Variants in MTOR observed in about 807,000 individuals in gnomAD.
MTOR encodes mechanistic target of rapamycin kinase.
In MTOR, 70 loss-of-function variants were observed where a neutral mutation model predicts 319.8. The observed-to-expected ratio is 0.22, with a 90% CI of 0.18 to 0.27. The LOEUF is 0.27. MTOR is among the 10% of genes least tolerant of loss of function. MTOR has a pLI of 1.00. For synonymous variants in MTOR, 1,183 were observed against 1,211.4 expected (o/e 0.98, Z 0.49); for missense variants, 1,890 against 3,274.4 (o/e 0.58, Z 10.32).
chr1:11,258,442 A>T (rs1216480115), intron 3 of MTOR, 43 bp downstream of exon 3: 2 of 1,380,412 alleles, frequency 1.4e-6, no homozygotes, highest in Admixed American at 3.5e-5. Flanking sequence ...AGTGGGCACA[A>T]AGGTGAGTGT....
chr1:11,124,115 T>C (rs1642689976), intron 47 of MTOR, among the ~76,000 whole-genome samples: 1 of 152,094 alleles, frequency 6.6e-6, no homozygotes, highest in Non-Finnish European at 1.5e-5. Context: ...AAATAAATAG[T>C]GATGGGGTCT....
chr1:11,234,290 T>C (rs1301420932), intron 13 of MTOR, 25 bp from the exon 14 acceptor site: 3 of 1,594,630 alleles, frequency 1.9e-6, no homozygotes, highest in Non-Finnish European at 2.6e-6. Flanking sequence ...GGCTCATATG[T>C]TCTCTATGGC....
At chr1:11,185,245 G>C (rs1023507968) in intron 28 of MTOR, among the ~76,000 whole-genome samples, 1 of 148,982 alleles carries the variant, frequency 6.7e-6, no homozygotes, top group Non-Finnish European at 1.5e-5. Context: ...AGAAATCAGA[G>C]AGACTTTTTT....
intron 49 of MTOR, among the ~76,000 whole-genome samples, chr1:11,117,645 T>C (rs1322695297): frequency 6.6e-6 from 1 of 152,012 alleles, no homozygotes; most frequent in Non-Finnish European, 1.5e-5. Context: ...AGTATAAAGA[T>C]GTTAACAGCC....
intron 56 of MTOR, 33 bp from the exon 57 acceptor site, chr1:11,108,319 C>G (rs907341085): frequency 1.3e-6 from 2 of 1,540,312 alleles, no homozygotes; most frequent in African/African-American, 1.4e-5. Context: ...ATTTCACTCT[C>G]TTCCTGGCAA....
intron 51 of MTOR, 97 bp from the exon 52 acceptor site, chr1:11,114,984 ATT>A: frequency 1.0e-6 from 1 of 981,174 alleles, no homozygotes; most frequent in Non-Finnish European, 1.6e-6. Flanking sequence ...ACCTGCACTG[ATT>A]TTAATTATAG....
chr1:11,212,557 G>A lies in MTOR; in HGVS notation c.3399-83C>T, dbSNP rs2100793841. The A allele has an allele frequency of 6.7e-7, 1 of 1,490,490 alleles. No individual in the cohort carries two copies. The highest frequency in any genetic ancestry group is 2.0e-5 in the Admixed American group (1 of 49,618). 92.3% of individuals were successfully genotyped at this position (1,490,490 alleles called of 1,614,324 possible). A position where few individuals can be genotyped will look rare whatever the true frequency, so the allele number is the denominator to read the frequency against. ...TGACTGAGGGTGAGCTTAACAATCA[G>A]CACCAAAGGGATGGGAATGAACGGC... On this transcript the variant is annotated intron_variant, in intron 22 of 57. Transcript: ENST00000361445. The surrounding 1 kb of genome is among the most constrained non-coding windows in gnomAD (Gnocchi z 4.1).
chr1:11,243,830 T>C (rs1648426887), intron 8 of MTOR, among the ~76,000 whole-genome samples: 1 of 151,970 alleles, frequency 6.6e-6, no homozygotes. Flanking sequence ...AAACAGAAGA[T>C]CATCTAAACA....
intron 19 of MTOR, among the ~76,000 whole-genome samples, chr1:11,224,603 GT>G (rs1646771439): frequency 6.6e-6 from 1 of 152,050 alleles, no homozygotes; most frequent in South Asian, 2.1e-4. Flanking sequence ...TGTCCATAAC[GT>G]TAGCAAATAC....
intron 28 of MTOR, among the ~76,000 whole-genome samples, chr1:11,180,704 C>T (rs1187426072): frequency 3.9e-5 from 6 of 152,066 alleles, no homozygotes; most frequent in South Asian, 2.1e-4. Flanking sequence ...CATTTGATTT[C>T]CCTTTGGGGA....
At chr1:11,189,187 G>A (rs953951771) in intron 28 of MTOR, among the ~76,000 whole-genome samples, 5 of 152,004 alleles carry the variant, frequency 3.3e-5, no homozygotes, top group African/African-American at 9.7e-5. Context: ...AGAAAGACTC[G>A]CCCCATCTCC....
chr1:11,157,325 A>G (rs374757531), intron 29 of MTOR, 34 bp from the exon 30 acceptor site: 1 of 1,604,338 alleles, frequency 6.2e-7, no homozygotes, highest in South Asian at 1.1e-5. Flanking sequence ...GCTGTGAGGT[A>G]CACAGAAGAA....
At chr1:11,194,581 T>C (rs971950036) in intron 28 of MTOR, 6 of 1,614,036 alleles carry the variant, frequency 3.7e-6, no homozygotes, top group Non-Finnish European at 5.1e-6. Context: ...CGCCCTCCAG[T>C]ATCATAACAA....
In MTOR at chr1:11,139,419, G is replaced by A. The variant is rs1218010586; in HGVS notation, c.5015C>T (p.Thr1672Ile). The change falls in exon 36 of 58, where the codon ACT becomes ATT. Residue 1672 changes from threonine (T) to isoleucine (I), a missense_variant. By Grantham distance (89) the Thr-to-Ile change is moderately conservative. This residue lies in a region of MTOR where 276 missense variants were observed against 459.4 expected (regional missense o/e 0.60). Coordinates refer to ENST00000361445, the MANE Select transcript of MTOR (RefSeq NM_004958.4). ...KSGRLALAHK[T>I]LVLLLGVDPS... Reference sequence around the variant, plus strand: ...ATCAACTCCCAGGAGCAACACTAAAGTTTTATGAGCAAGAGCCTTAAAAAT... The same window carrying A: ...ATCAACTCCCAGGAGCAACACTAAAATTTTATGAGCAAGAGCCTTAAAAAT... 5 of 1,614,074 alleles carry A rather than the reference G, an allele frequency of 3.1e-6. No homozygotes were observed. Among genetic ancestry groups the A allele is most frequent in the Non-Finnish European group, 4.2e-6 (5 of 1,179,992 alleles).
chr1:11,199,438 T>C lies in MTOR; in HGVS notation c.4108-35A>G. The stretch of plus-strand genomic sequence containing the variant: ...AGCAAAACCTCACAGCACAGGAAAA[T>C]GGCAGATGGGGCACAAACAAGAGAA... On this transcript the variant is annotated intron_variant, in intron 27 of 57. Coordinates refer to ENST00000361445, the MANE Select transcript of MTOR (RefSeq NM_004958.4). This position sits in a 1 kb window ranked among gnomAD's most constrained non-coding sequence, Gnocchi z 4.5. 1 of 1,613,964 alleles carries C rather than the reference T, an allele frequency of 6.2e-7. No homozygotes were observed. The highest frequency in any genetic ancestry group is 1.1e-5 in the South Asian group (1 of 91,070).
At chr1:11,153,750 G>C (rs1329913550) in intron 30 of MTOR, among the ~76,000 whole-genome samples, 5 of 151,972 alleles carry the variant, frequency 3.3e-5, no homozygotes, top group African/African-American at 1.2e-4. Context: ...CTGAGGAACT[G>C]AATTTCACAT....
At chr1:11,194,582 A>T in intron 28 of MTOR, 1 of 1,614,218 alleles carries the variant, frequency 6.2e-7, no homozygotes, top group South Asian at 1.1e-5. Context: ...GCCCTCCAGT[A>T]TCATAACAAC....
In MTOR at chr1:11,259,297, G is replaced by A. The variant is rs1341084454; in HGVS notation, c.113C>T (p.Ala38Val). ...GTGCTGGAGCTCCTTGGCGGCTTTGGCCCTGGTTTCCTCATTCCGGCTCTT... is the reference window on the plus strand; with the variant it reads ...GTGCTGGAGCTCCTTGGCGGCTTTGACCCTGGTTTCCTCATTCCGGCTCTT... ...GLKSRNEETR[A>V]KAAKELQHYV... The change falls in exon 2 of 58, where the codon GCC becomes GTC. Residue 38 changes from alanine (A) to valine (V), a missense_variant. Ala to Val is a moderately conservative substitution (Grantham distance 64, BLOSUM62 0). Around this residue, in one of 15 missense-constraint regions of MTOR, gnomAD observed 85 missense variants for 105.8 expected, o/e 0.80. Transcript: ENST00000361445. 6.2e-7 allele frequency: 1 copy of A among 1,613,954 alleles called. No homozygotes were observed. The highest frequency in any genetic ancestry group is 8.5e-7 in the Non-Finnish European group (1 of 1,179,940).
At chr1:11,151,705 T>C (rs1220607230) in intron 30 of MTOR, among the ~76,000 whole-genome samples, 4 of 152,252 alleles carry the variant, frequency 2.6e-5, no homozygotes, top group Non-Finnish European at 5.9e-5. Context: ...CTGCACAGCA[T>C]ATTTTTGTAG....
Sources: allele counts gnomAD v4.1 joint callset (sites outside exome capture counted in the v4.1 genomes callset), GRCh38; gene constraint gnomAD v4.1.1; regional missense constraint gnomAD v4.1.1; non-coding constraint Gnocchi (gnomAD v3.1); transcripts MANE v1.5; gene names NCBI Gene and HGNC (gene_info 2026-07-23, HGNC 2026-07-21).